PSG5: variants seen among roughly 807,000 people sequenced by gnomAD.
PSG5 encodes the protein pregnancy specific beta-1-glycoprotein 5.
Under a neutral mutation model 37.7 loss-of-function variants are expected in PSG5, and 53 were observed. The ratio of observed to expected loss-of-function variants is 1.41; its 90% CI spans 1.13 to 1.77. The LOEUF (loss-of-function observed/expected upper bound fraction) is 1.77. Ranked by LOEUF, PSG5 falls within the 40% of genes most tolerant of loss-of-function variation. The pLI is 0.00. For missense variants in PSG5, 547 were observed against 405.2 expected (o/e 1.35, Z -3.00); for synonymous variants, 221 against 155.4 (o/e 1.42, Z -3.14).
intron 2 of PSG5, among the ~76,000 whole-genome samples, chr19:43,182,492 C>G (rs1468929318): frequency 1.3e-5 from 2 of 151,378 alleles, no homozygotes; most frequent in Admixed American, 6.6e-5. Context: ...GATTCGAGCA[C>G]AAACAGATCA....
chr19:43,168,432 G>A (rs374727346), intron 5 of PSG5, among the ~76,000 whole-genome samples: 2 of 151,242 alleles, frequency 1.3e-5, no homozygotes, highest in African/African-American at 2.4e-5. Flanking sequence ...GCAGTGATGC[G>A]ATCTCAGTTC....
intron 4 of PSG5, among the ~76,000 whole-genome samples, chr19:43,172,353 A>G (rs1968924548): frequency 1.3e-5 from 2 of 151,700 alleles, no homozygotes; most frequent in African/African-American, 2.4e-5. Flanking sequence ...CCTGCTTTTG[A>G]CACTTTTATT....
At chr19:43,169,327 C>T (rs1968854156) in intron 5 of PSG5, among the ~76,000 whole-genome samples, 1 of 151,602 alleles carries the variant, frequency 6.6e-6, no homozygotes, top group Non-Finnish European at 1.5e-5. Context: ...GTCTCAGGTT[C>T]ACATGTTAAT....
intron 2 of PSG5, among the ~76,000 whole-genome samples, chr19:43,177,809 T>G (rs1048550564): frequency 2.0e-5 from 3 of 151,570 alleles, no homozygotes; most frequent in African/African-American, 7.3e-5. Flanking sequence ...TTGCTTTGGG[T>G]AGTATTGTCT....
intron 4 of PSG5, chr19:43,174,838 T>A: frequency 8.5e-7 from 1 of 1,177,628 alleles, no homozygotes; most frequent in South Asian, 2.7e-5. Flanking sequence ...AGATGTTCCT[T>A]GTAGCTCATG....
At chr19:43,168,512 G>T (rs1000419314) in intron 5 of PSG5, among the ~76,000 whole-genome samples, 1 of 151,372 alleles carries the variant, frequency 6.6e-6, no homozygotes, top group Non-Finnish European at 1.5e-5. Flanking sequence ...GGGACTACAG[G>T]TGCCTGCCAC....
At position 43,184,779 on chromosome 19, in the gene PSG5, C is replaced by T. The variant is rs754632601; in HGVS notation, c.430+3G>A. 1.4e-5 allele frequency: 23 copies of T among 1,612,060 alleles called. 1 individual carries two copies. The highest frequency in any genetic ancestry group is 6.7e-5 in the Admixed American group (4 of 59,854). On this transcript the variant is annotated splice_donor_region_variant and intron_variant, in intron 2 of 5. Coordinates refer to ENST00000342951, the MANE Select transcript of PSG5 (RefSeq NM_002781.4). ...CACCCAGGGATCATGTGGAATCACT[C>T]ACGGTATAAGTTGAAGGTGAAATAT...
Position 43,184,966 on chromosome 19 carries a change from A to G in PSG5, c.246T>C (p.Tyr82=), listed in dbSNP as rs571589894. 1.2e-6 allele frequency: 2 copies of G among 1,612,318 alleles called. No homozygotes were observed. Among genetic ancestry groups the G allele is most frequent in the Admixed American group, 1.7e-5 (1 of 59,864 alleles). The change falls in exon 2 of 6, where the codon TAT becomes TAC. Residue 82 remains tyrosine, a synonymous_variant. Transcript: ENST00000342951. ...LMDLYHYITS[Y]VVDGQINIYG... Reference sequence around the variant, plus strand: ...ATATATTTATTTGACCGTCTACTACATATGATGTAATGTAATGGTAGAGGT... The same window carrying G: ...ATATATTTATTTGACCGTCTACTACGTATGATGTAATGTAATGGTAGAGGT...
At chr19:43,175,729 A>AGGGCAGGGAGTCAT in intron 3 of PSG5, 141 bp downstream of exon 3, 1 of 1,494,776 alleles carries the variant, frequency 6.7e-7, no homozygotes, top group East Asian at 2.3e-5. Flanking sequence ...AGGTTTTCCA[A>AGGGCAGGGAGTCAT]GGGCAGGGAG....
chr19:43,169,131 C>T (rs1412126373), intron 5 of PSG5, among the ~76,000 whole-genome samples: 1 of 151,612 alleles, frequency 6.6e-6, no homozygotes, highest in East Asian at 1.9e-4. Context: ...CATCAGATTT[C>T]TCTGATTTCT....
At position 43,184,837 on chromosome 19, in the gene PSG5, T is replaced by A; in HGVS notation, c.375A>T (p.Ile125=). 6.2e-7 allele frequency: 1 copy of A among 1,612,388 alleles called. No individual in the cohort carries two copies. Among genetic ancestry groups the A allele is most frequent in the Non-Finnish European group, 8.5e-7 (1 of 1,179,066 alleles). Residue 125 remains isoleucine (I), a synonymous_variant, in exon 2 of 6, where the codon ATA becomes ATT. Transcript: ENST00000342951. ...CTCCTCTAGTCCTATCACCTCGCTT[T>A]ATGATGTGTAAGGTGTAGGATCCTG... ...EDAGSYTLHI[I]KRGDRTRGVT...
intron 3 of PSG5, 87 bp from the exon 4 acceptor site, chr19:43,175,556 G>A: frequency 1.3e-6 from 2 of 1,512,212 alleles, no homozygotes; most frequent in Non-Finnish European, 8.9e-7. Context: ...GTGACCCTCT[G>A]AGCCAAGACA....
In PSG5 at chr19:43,174,333, G is replaced by A. The variant is rs1341832316; in HGVS notation, c.964+882C>T. 4 of 560,476 alleles carry A rather than the reference G, an allele frequency of 7.1e-6. No individual in the cohort carries two copies. The East Asian group carries it at 4.3e-4, about 60-fold the overall frequency. The allele number at this position is 560,476 out of a possible 1,614,324, so 34.7% of individuals were successfully genotyped here. A position where few individuals can be genotyped will look rare whatever the true frequency, so the allele number is the denominator to read the frequency against. On this transcript the variant is annotated intron_variant, in intron 4 of 5. Coordinates refer to ENST00000342951, the MANE Select transcript of PSG5 (RefSeq NM_002781.4). ...AATTGCACACATAGAAATAGTTAATGGTAAGTCTTATATTAGATATATATA... is the reference window on the plus strand; with the variant it reads ...AATTGCACACATAGAAATAGTTAATAGTAAGTCTTATATTAGATATATATA...
chr19:43,169,528 A>T (rs1387420655), intron 5 of PSG5, among the ~76,000 whole-genome samples: 2 of 151,666 alleles, frequency 1.3e-5, no homozygotes, highest in African/African-American at 2.4e-5. Flanking sequence ...TGAAGGAATT[A>T]TACTAGGAAG....
intron 2 of PSG5, among the ~76,000 whole-genome samples, 180 bp downstream of exon 2, chr19:43,184,602 G>A (rs1176932287): frequency 6.6e-6 from 1 of 151,480 alleles, no homozygotes; most frequent in Non-Finnish European, 1.5e-5. Context: ...TGCGGGAAAG[G>A]AATTCTGATC....
chr19:43,174,973 G>A (rs1407356081), intron 4 of PSG5: 3 of 1,373,418 alleles, frequency 2.2e-6, no homozygotes, highest in Non-Finnish European at 2.9e-6. Flanking sequence ...ATAGGGCTCA[G>A]GGCTGATAAA....
At chr19:43,174,901 C>T (rs1968972780) in intron 4 of PSG5, 10 of 1,222,592 alleles carry the variant, frequency 8.2e-6, no homozygotes, top group South Asian at 1.9e-5. Context: ...TTGGTGACAT[C>T]GAGAAGCAAC....
chr19:43,182,876 A>G (rs9749405), intron 2 of PSG5, among the ~76,000 whole-genome samples: 95,445 of 142,728 alleles, frequency 0.67, 33,162 homozygotes, highest in East Asian at 0.99. Context: ...GTGACCTGGG[A>G]ACATTGGCTC....
At chr19:43,178,174 T>C (rs1476171141) in intron 2 of PSG5, among the ~76,000 whole-genome samples, 2 of 151,628 alleles carry the variant, frequency 1.3e-5, no homozygotes, top group African/African-American at 4.9e-5. Flanking sequence ...CCCTGATAGC[T>C]AGATAGACTT....
Sources: gnomAD v4.1 joint callset for allele counts (sites outside exome capture counted in the v4.1 genomes callset) on GRCh38, gnomAD v4.1.1 for gene constraint, MANE v1.5 for transcripts, NCBI Gene and HGNC (gene_info 2026-07-23, HGNC 2026-07-21) for gene names.